The following HIVEP3 variants were observed in gnomAD, a reference collection of about 807,000 sequenced individuals.
HIVEP3 encodes the protein transcription factor HIVEP3.
Under a neutral mutation model 152.8 loss-of-function variants are expected in HIVEP3, and 49 were observed. That is an observed-to-expected ratio of 0.32 (90% CI 0.26 to 0.41). The LOEUF (loss-of-function observed/expected upper bound fraction) is 0.41, where lower values mean the gene tolerates loss of function less well. Among genes scored for constraint, HIVEP3 ranks in the 10% least tolerant of loss-of-function variants. The pLI, the probability that HIVEP3 is intolerant of heterozygous loss-of-function variation, is 1.00. For missense variants in HIVEP3, 2,790 were observed against 3,103.3 expected, an observed-to-expected ratio of 0.90 and a Z score of 2.40; for synonymous variants, 1,269 against 1,289.0, an observed-to-expected ratio of 0.98 and a Z score of 0.33.
intron 1 of HIVEP3, among the ~76,000 whole-genome samples, chr1:41,803,276 T>C (rs2124315602): frequency 6.6e-6 from 1 of 152,316 alleles, no homozygotes; most frequent in East Asian, 1.9e-4. Flanking sequence ...TGTGTTGTTA[T>C]TGTTGCTTTA....
At chr1:41,978,599 C>G (rs982528910) in intron 1 of HIVEP3, among the ~76,000 whole-genome samples, 23 of 152,160 alleles carry the variant, frequency 1.5e-4, no homozygotes, top group Non-Finnish European at 4.4e-5. Context: ...GTTTAAGCCA[C>G]CCAGTCTGTG....
chr1:41,522,114 G>A (rs1354911240), intron 6 of HIVEP3, among the ~76,000 whole-genome samples: 1 of 152,230 alleles, frequency 6.6e-6, no homozygotes, highest in Non-Finnish European at 1.5e-5. Flanking sequence ...GTAGGGTCGG[G>A]AGGGCTGCCT....
At chr1:41,587,991 C>T (rs1644530951) in intron 3 of HIVEP3, among the ~76,000 whole-genome samples, 1 of 152,206 alleles carries the variant, frequency 6.6e-6, no homozygotes, top group African/African-American at 2.4e-5. Context: ...CAACCTATGT[C>T]CTAACCACAC....
At chr1:41,705,631 C>T (rs952584421) in intron 1 of HIVEP3, among the ~76,000 whole-genome samples, 4 of 152,176 alleles carry the variant, frequency 2.6e-5, no homozygotes, top group Non-Finnish European at 4.4e-5. Context: ...GGACACTGCC[C>T]GGCGCTCACA....
At chr1:41,921,078 T>G (rs1202680805), upstream of HIVEP3, among the ~76,000 whole-genome samples, 2 of 152,208 alleles carry the variant, frequency 1.3e-5, no homozygotes, top group African/African-American at 2.4e-5. Flanking sequence ...GTGTCAGAAC[T>G]CTCCACTATT....
chr1:41,837,197 G>C (rs924076974), intron 1 of HIVEP3, among the ~76,000 whole-genome samples: 2 of 152,154 alleles, frequency 1.3e-5, no homozygotes, highest in African/African-American at 4.8e-5. Context: ...CGACACATCT[G>C]CACAGCTGCT....
chr1:41,657,351 T>A (rs940695191), intron 2 of HIVEP3, among the ~76,000 whole-genome samples: 1 of 152,224 alleles, frequency 6.6e-6, no homozygotes, highest in African/African-American at 2.4e-5. Context: ...GAAGTGATGC[T>A]GGCCCTGGTC....
rs781304478 is a variant in HIVEP3, at chr1:41,580,424, T to C, written c.4374A>G (p.Ala1458=). ...GTTTTACCAGCTCAAGTTTTTCATC[T>C]GCCTTGGAAGCCTCCTCCTCCTTCA... ...KRVKEEEASK[A]DEKLELVKPC... is the part of the protein sequence containing the mutation. Residue 1458 remains alanine, a synonymous_variant, in exon 4 of 9, where the codon GCA becomes GCG. Coordinates refer to ENST00000372583, the MANE Select transcript of HIVEP3 (RefSeq NM_024503.5). 2 of 1,614,100 alleles carry C rather than the reference T, an allele frequency of 1.2e-6. No homozygotes were observed. The highest frequency in any genetic ancestry group is 4.5e-5 in the East Asian group (2 of 44,898).
At chr1:41,549,634 G>A (rs1308902743) in intron 5 of HIVEP3, among the ~76,000 whole-genome samples, 1 of 152,202 alleles carries the variant, frequency 6.6e-6, no homozygotes, top group Non-Finnish European at 1.5e-5. Context: ...GTGATGATGA[G>A]CATTTTCTCA....
intron 1 of HIVEP3, among the ~76,000 whole-genome samples, chr1:41,969,641 G>A (rs1391925290): frequency 6.6e-6 from 1 of 152,128 alleles, no homozygotes; most frequent in African/African-American, 2.4e-5. Context: ...TCAGGACACA[G>A]GCATGAGCAA....
At chr1:41,718,579 C>T (rs1646629746) in intron 1 of HIVEP3, among the ~76,000 whole-genome samples, 1 of 152,156 alleles carries the variant, frequency 6.6e-6, no homozygotes, top group South Asian at 2.1e-4. Flanking sequence ...GCCCCAGCCA[C>T]CCGGCTTAGC....
chr1:41,599,842 A>T (rs995304565), intron 3 of HIVEP3, among the ~76,000 whole-genome samples: 1 of 152,216 alleles, frequency 6.6e-6, no homozygotes, highest in African/African-American at 2.4e-5. Flanking sequence ...AGGGATTAAC[A>T]TGCAGAACTC....
intron 1 of HIVEP3, among the ~76,000 whole-genome samples, chr1:42,017,754 T>C (rs901233412): frequency 6.6e-6 from 1 of 152,146 alleles, no homozygotes; most frequent in Non-Finnish European, 1.5e-5. Context: ...GGCAAATATA[T>C]ATACTACATT....
chr1:42,004,603 G>A (rs238675), intron 1 of HIVEP3, among the ~76,000 whole-genome samples: 120,272 of 152,096 alleles, frequency 0.79, 48,104 homozygotes, highest in East Asian at 0.96. Flanking sequence ...CTTCAGGAAT[G>A]TAAGTTACTT....
chr1:41,961,991 A>G (rs1645172213), intron 1 of HIVEP3, among the ~76,000 whole-genome samples: 1 of 152,246 alleles, frequency 6.6e-6, no homozygotes, highest in African/African-American at 2.4e-5. Flanking sequence ...CCCAGCAAAC[A>G]TTAGCTAGAA....
Position 41,873,845 on chromosome 1 carries a change from G to A in HIVEP3, c.-801+44568C>T, listed in dbSNP as rs556401260. 6.6e-6 allele frequency among the ~76,000 whole-genome samples: 1 copy of A among 152,308 alleles called. No homozygotes were observed. Among genetic ancestry groups the A allele is most frequent in the Non-Finnish European group, 1.5e-5 (1 of 68,028 alleles). The stretch of plus-strand genomic sequence containing the variant: ...AGAGACCAAACCATGGGGTCTAGGG[G>A]AAATAAGGAACCCCTCTCCCAGAAG... On this transcript the variant is annotated intron_variant, in intron 1 of 8. Coordinates refer to ENST00000372583, the MANE Select transcript of HIVEP3 (RefSeq NM_024503.5). The surrounding 1 kb of genome is among the most constrained non-coding windows in gnomAD (Gnocchi z 4.2).
chr1:41,752,057 AG>A (rs1375337073), intron 1 of HIVEP3, among the ~76,000 whole-genome samples: 1 of 152,200 alleles, frequency 6.6e-6, no homozygotes, highest in Non-Finnish European at 1.5e-5. Flanking sequence ...GTCATCACTC[AG>A]GGGTGTGACT....
chr1:41,554,250 C>T (rs1401389129), intron 5 of HIVEP3, among the ~76,000 whole-genome samples: 1 of 152,138 alleles, frequency 6.6e-6, no homozygotes, highest in African/African-American at 2.4e-5. Flanking sequence ...TTAATTTGAT[C>T]TTCAATCACT....
chr1:41,820,261 T>C (rs1348626177), intron 1 of HIVEP3, among the ~76,000 whole-genome samples: 2 of 152,230 alleles, frequency 1.3e-5, no homozygotes, highest in Admixed American at 6.5e-5. Context: ...TTTGAAGTTA[T>C]GTTATTAGGT....
Sources: allele counts gnomAD v4.1 joint callset (sites outside exome capture counted in the v4.1 genomes callset), GRCh38; gene constraint gnomAD v4.1.1; non-coding constraint Gnocchi (gnomAD v3.1); transcripts MANE v1.5; gene names NCBI Gene and HGNC (gene_info 2026-07-23, HGNC 2026-07-21).